CNTNAP3B: variants seen among roughly 807,000 people sequenced by gnomAD.
CNTNAP3B encodes contactin associated protein family member 3B.
Under a neutral mutation model 108.9 loss-of-function variants are expected in CNTNAP3B, and 25 were observed. The observed-to-expected ratio is 0.23, with a 90% confidence interval of 0.17 to 0.32. The LOEUF is 0.32. Ranked by LOEUF, CNTNAP3B falls within the 10% of genes least tolerant of loss-of-function variation. The pLI, the probability that CNTNAP3B is intolerant of heterozygous loss-of-function variation, is 1.00. For missense variants in CNTNAP3B, 252 were observed against 1,210.4 expected (o/e 0.21, Z 11.75); for synonymous variants, 103 against 473.4 (o/e 0.22, Z 10.16).
chr9:41,997,320 C>A (rs1321127383), intron 6 of CNTNAP3B, among the ~76,000 whole-genome samples: 3 of 152,202 alleles, frequency 2.0e-5, no homozygotes, highest in African/African-American at 4.8e-5. Flanking sequence ...TGCTTGCTAC[C>A]TTGGTATTTC....
chr9:41,944,512 G>A (rs928743438), intron 13 of CNTNAP3B, among the ~76,000 whole-genome samples: 1 of 152,288 alleles, frequency 6.6e-6, no homozygotes, highest in East Asian at 1.9e-4. Flanking sequence ...ATACTCAAAG[G>A]CTACCACTAA....
At position 42,090,768 on chromosome 9, in the gene CNTNAP3B, C is replaced by A. The variant is rs1450011965; in HGVS notation, c.197-13706G>T. Among the ~76,000 whole-genome samples the A allele has an allele frequency of 4.8e-5, 4 of 82,616 alleles. 1 individual carries two copies. The highest frequency in any genetic ancestry group is 1.9e-4 in the African/African-American group (4 of 21,600). 54.2% of individuals were successfully genotyped at this position (82,616 alleles called of 152,430 possible). ...GTGTGTTTATATGCACACACACTGA[C>A]CATGTATGTACTGACATATATATAC... On this transcript the variant is annotated intron_variant, in intron 2 of 23. Transcript: ENST00000377561.
chr9:41,942,214 G>A (rs4878274), intron 13 of CNTNAP3B, among the ~76,000 whole-genome samples: 15,376 of 143,280 alleles, frequency 0.11, 49 homozygotes, highest in South Asian at 0.17. Context: ...GGTGGCTCAC[G>A]CCTGTAATCC....
intron 13 of CNTNAP3B, among the ~76,000 whole-genome samples, chr9:41,942,483 C>A (rs1464970005): frequency 6.6e-6 from 1 of 151,212 alleles, no homozygotes; most frequent in African/African-American, 2.4e-5. Flanking sequence ...TGGTGGCGGG[C>A]GCCTGTAGTC....
intron 1 of CNTNAP3B, among the ~76,000 whole-genome samples, chr9:42,105,379 G>T: frequency 8.8e-6 from 1 of 113,884 alleles, no homozygotes; most frequent in Non-Finnish European, 1.8e-5. Flanking sequence ...GGAGATGGAG[G>T]CTCCTCCTTT....
intron 1 of CNTNAP3B, among the ~76,000 whole-genome samples, chr9:42,121,846 T>C (rs1381528371): frequency 7.1e-6 from 1 of 140,726 alleles, no homozygotes; most frequent in Non-Finnish European, 1.5e-5. Context: ...GATTTTAACC[T>C]ACTTGCAAGC....
intron 10 of CNTNAP3B, among the ~76,000 whole-genome samples, chr9:41,966,884 A>G (rs1011562147): frequency 2.0e-5 from 3 of 150,018 alleles, no homozygotes; most frequent in African/African-American, 5.0e-5. Context: ...TGAGAATGGC[A>G]TGAACCCAGG....
Position 42,126,652 on chromosome 9 carries a change from C to G in CNTNAP3B, c.85+2358G>C, listed in dbSNP as rs1309990870. Among the ~76,000 whole-genome samples the G allele has an allele frequency of 8.9e-5, 12 of 135,560 alleles. 1 individual carries two copies. The highest frequency in any genetic ancestry group is 8.8e-4 in the Admixed American group (12 of 13,574). 88.9% of individuals were successfully genotyped at this position (135,560 alleles called of 152,430 possible). A position where few individuals can be genotyped will look rare whatever the true frequency, so the allele number is the denominator to read the frequency against. ...TGGTGGGATCTCGGCTCACTGCAAC[C>G]TCCACCTCCCAGGTTCAAGCGATTC... On this transcript the variant is annotated intron_variant, in intron 1 of 23. Coordinates refer to ENST00000377561, the MANE Select transcript of CNTNAP3B (RefSeq NM_001201380.3).
intron 2 of CNTNAP3B, among the ~76,000 whole-genome samples, chr9:42,080,120 C>T (rs913866466): frequency 7.5e-6 from 1 of 133,668 alleles, no homozygotes; most frequent in African/African-American, 3.0e-5. Context: ...TGAGTTGACA[C>T]GGTTCTGGTG....
At chr9:41,969,198 C>A (rs1479996799) in intron 10 of CNTNAP3B, among the ~76,000 whole-genome samples, 1 of 151,564 alleles carries the variant, frequency 6.6e-6, no homozygotes, top group African/African-American at 2.4e-5. Context: ...ATTATTTTTC[C>A]AGGTGTGACC....
intron 13 of CNTNAP3B, among the ~76,000 whole-genome samples, chr9:41,947,894 C>G (rs1201903192): frequency 6.6e-6 from 1 of 152,138 alleles, no homozygotes. Context: ...ACAAATAATT[C>G]TACACAAATC....
chr9:41,924,373 G>A (rs1277070260), intron 15 of CNTNAP3B, among the ~76,000 whole-genome samples: 5 of 152,416 alleles, frequency 3.3e-5, no homozygotes, highest in Admixed American at 2.0e-4. Flanking sequence ...AGTAGGGACA[G>A]GGTCAAGTTC....
At chr9:42,056,995 C>T (rs1485529325) in intron 3 of CNTNAP3B, among the ~76,000 whole-genome samples, 86 of 27,432 alleles carry the variant, frequency 3.1e-3, no homozygotes, top group East Asian at 0.026. Context: ...TCTACTTTGA[C>T]GCAAGGAATA....
chr9:42,044,640 A>C (rs1332137792), intron 3 of CNTNAP3B, among the ~76,000 whole-genome samples: 1 of 145,764 alleles, frequency 6.9e-6, no homozygotes, highest in African/African-American at 2.6e-5. Flanking sequence ...CGGGGTCCGA[A>C]GAAATTCAGA....
intron 1 of CNTNAP3B, among the ~76,000 whole-genome samples, chr9:42,110,861 T>C (rs1481579085): frequency 3.6e-5 from 5 of 140,178 alleles, no homozygotes; most frequent in African/African-American, 1.4e-4. Flanking sequence ...TTATTATGAA[T>C]CTGAATTGAT....
At chr9:42,115,954 A>G (rs1828306323) in intron 1 of CNTNAP3B, among the ~76,000 whole-genome samples, 1 of 134,690 alleles carries the variant, frequency 7.4e-6, no homozygotes. Context: ...CCCGTCGCAA[A>G]GAAGCTAAAA....
intron 14 of CNTNAP3B, among the ~76,000 whole-genome samples, chr9:41,934,114 TATATATATACAC>T (rs1824071335): frequency 1.5e-5 from 2 of 129,482 alleles, no homozygotes; most frequent in South Asian, 4.6e-4. Context: ...TATATATATA[TATATATATACAC>T]ACACATATAT....
At chr9:41,956,352 C>A (rs1824858724) in intron 12 of CNTNAP3B, among the ~76,000 whole-genome samples, 1 of 152,088 alleles carries the variant, frequency 6.6e-6, no homozygotes, top group South Asian at 2.1e-4. Context: ...TGCCACTGTA[C>A]TCCAGCCTGG....
At chr9:41,973,702 G>A (rs1296678485) in intron 9 of CNTNAP3B, among the ~76,000 whole-genome samples, 2 of 139,722 alleles carry the variant, frequency 1.4e-5, no homozygotes, top group South Asian at 2.3e-4. Context: ...AAAAACTGCA[G>A]GCTATATGCA....
Sources: gnomAD v4.1 joint callset for allele counts (sites outside exome capture counted in the v4.1 genomes callset) on GRCh38, gnomAD v4.1.1 for gene constraint, MANE v1.5 for transcripts, NCBI Gene and HGNC (gene_info 2026-07-23, HGNC 2026-07-21) for gene names.